Variants in KCNAB1 observed in about 807,000 individuals in gnomAD.
KCNAB1 encodes the protein voltage-gated potassium channel subunit beta-1.
KCNAB1 carries 35 observed loss-of-function variants against 64.6 expected under a neutral mutation model. That is an observed-to-expected ratio of 0.54 (90% CI 0.41 to 0.72). The LOEUF (loss-of-function observed/expected upper bound fraction) is 0.72. Among genes scored for constraint, KCNAB1 ranks in the 30% least tolerant of loss-of-function variants. The pLI is 0.00. For synonymous variants in KCNAB1, 177 were observed against 183.8 expected, an observed-to-expected ratio of 0.96 and a Z score of 0.30; for missense variants, 401 against 512.9, an observed-to-expected ratio of 0.78 and a Z score of 2.11.
intron 1 of KCNAB1, chr3:156,273,677 G>A (rs2108494975): frequency 2.2e-6 from 1 of 454,836 alleles, no homozygotes; most frequent in East Asian, 7.0e-5. Flanking sequence ...TTAAAACCAG[G>A]TACTGTCATC....
intron 1 of KCNAB1, among the ~76,000 whole-genome samples, chr3:156,388,443 C>T (rs996832470): frequency 1.3e-5 from 2 of 152,146 alleles, no homozygotes; most frequent in African/African-American, 2.4e-5. Flanking sequence ...GTTTCTTCTC[C>T]CAGTCTGGTC....
chr3:156,350,685 C>G (rs1724799858), intron 1 of KCNAB1, among the ~76,000 whole-genome samples: 1 of 152,012 alleles, frequency 6.6e-6, no homozygotes, highest in Non-Finnish European at 1.5e-5. Context: ...TGAAGATGAG[C>G]AAGAAATAAA....
chr3:156,463,633 A>ATAGCACCAGAAAGAATTTGTTATTATAC, intron 5 of KCNAB1, 69 bp from the exon 6 acceptor site: 1 of 1,204,360 alleles, frequency 8.3e-7, no homozygotes, highest in South Asian at 1.4e-5. Flanking sequence ...TGCTATTATA[A>ATAGCACCAGAAAGAATTTGTTATTATAC]TAATATGACT....
At chr3:156,159,551 C>T (rs1463612298) in intron 1 of KCNAB1, among the ~76,000 whole-genome samples, 1 of 152,166 alleles carries the variant, frequency 6.6e-6, no homozygotes, top group Non-Finnish European at 1.5e-5. Flanking sequence ...TCAGTAAGTA[C>T]AATTACACAA....
At chr3:156,232,983 G>A (rs1716622199) in intron 1 of KCNAB1, among the ~76,000 whole-genome samples, 1 of 151,918 alleles carries the variant, frequency 6.6e-6, no homozygotes, top group East Asian at 1.9e-4. Flanking sequence ...TTATACCTGT[G>A]GATTATTATA....
intron 1 of KCNAB1, among the ~76,000 whole-genome samples, chr3:156,190,921 GACCTCAGGTGATCCACCC>G (rs1713525874): frequency 6.6e-6 from 1 of 152,178 alleles, no homozygotes; most frequent in Non-Finnish European, 1.5e-5. Context: ...TCAAACTCCT[GACCTCAGGTGATCCACCC>G]ACCTCAGCCT....
chr3:156,454,177 G>A (rs977333170), intron 3 of KCNAB1, among the ~76,000 whole-genome samples: 1 of 152,188 alleles, frequency 6.6e-6, no homozygotes, highest in Non-Finnish European at 1.5e-5. Flanking sequence ...CAGACTTTAA[G>A]CTAGAGAGTA....
At chr3:156,299,463 T>A (rs1721011600) in intron 1 of KCNAB1, among the ~76,000 whole-genome samples, 1 of 152,222 alleles carries the variant, frequency 6.6e-6, no homozygotes, top group African/African-American at 2.4e-5. Context: ...TCACAGTGTC[T>A]AAAGCACAGG....
intron 7 of KCNAB1, among the ~76,000 whole-genome samples, chr3:156,466,129 C>T (rs1351900944): frequency 1.3e-5 from 2 of 152,028 alleles, no homozygotes; most frequent in African/African-American, 2.4e-5. Context: ...AAGACACTCC[C>T]TATCACCTCC....
intron 1 of KCNAB1, chr3:156,143,475 G>A (rs1714832781): frequency 5.0e-6 from 6 of 1,188,610 alleles, no homozygotes; most frequent in Non-Finnish European, 6.7e-6. Context: ...GTCAAAGGTT[G>A]TTATTAAAGA....
intron 7 of KCNAB1, among the ~76,000 whole-genome samples, chr3:156,471,682 C>G (rs1713909397): frequency 6.6e-6 from 1 of 152,200 alleles, no homozygotes; most frequent in Non-Finnish European, 1.5e-5. Flanking sequence ...TGGCCCTAAG[C>G]CAGCACTCAA....
chr3:156,203,487 C>A (rs185828882), intron 1 of KCNAB1, among the ~76,000 whole-genome samples: 2 of 152,026 alleles, frequency 1.3e-5, no homozygotes, highest in African/African-American at 2.4e-5. Context: ...TCCTATGGAC[C>A]GTTTTCCCCA....
At chr3:156,161,285 C>T (rs6788822) in intron 1 of KCNAB1, among the ~76,000 whole-genome samples, 2,247 of 152,286 alleles carry the variant, frequency 0.015, 68 homozygotes, top group African/African-American at 0.052. Flanking sequence ...AACTGCATCA[C>T]CTCACTGCCT....
chr3:156,144,552 A>G lies in KCNAB1; in HGVS notation c.275+23666A>G, dbSNP rs184930741. On this transcript the variant is annotated intron_variant, in intron 1 of 13. Coordinates refer to ENST00000490337, the MANE Select transcript of KCNAB1 (RefSeq NM_172160.3). Reference sequence around the variant, plus strand: ...CTTTAGAAGGGGAGCTCACCTTTTCATGGTAGCTCATGGAATGAGGAGGGA... The same window carrying G: ...CTTTAGAAGGGGAGCTCACCTTTTCGTGGTAGCTCATGGAATGAGGAGGGA... Among the ~76,000 whole-genome samples the G allele has an allele frequency of 7.2e-4, 110 of 152,304 alleles. 1 individual carries two copies. Among genetic ancestry groups the G allele is most frequent in the South Asian group, 1.9e-3 (9 of 4,820 alleles).
intron 1 of KCNAB1, among the ~76,000 whole-genome samples, chr3:156,290,287 C>T (rs1720328238): frequency 6.6e-6 from 1 of 152,142 alleles, no homozygotes; most frequent in South Asian, 2.1e-4. Context: ...CTTTTTTCTC[C>T]ATATTGATCT....
chr3:156,528,708 G>A (rs1327692164), intron 12 of KCNAB1, among the ~76,000 whole-genome samples: 2 of 152,208 alleles, frequency 1.3e-5, no homozygotes, highest in Non-Finnish European at 2.9e-5. Flanking sequence ...CCAGAATGAA[G>A]GGAGAGGAAG....
chr3:156,159,070 C>T (rs984791432), intron 1 of KCNAB1, among the ~76,000 whole-genome samples: 3 of 151,036 alleles, frequency 2.0e-5, no homozygotes, highest in East Asian at 1.9e-4. Context: ...TACATATGTC[C>T]GCCCCCCCCT....
In KCNAB1 at chr3:156,402,179, A is replaced by C. The variant is rs368234115; in HGVS notation, c.276-19437A>C. 4.6e-5 allele frequency among the ~76,000 whole-genome samples: 7 copies of C among 152,128 alleles called. No individual in the cohort carries two copies. In the East Asian group the frequency reaches 5.8e-4, roughly 13 times the overall value. On this transcript the variant is annotated intron_variant, in intron 1 of 13. Transcript: ENST00000490337. ...AAAAAAAAAGAGAGAAAAGAAAAGAAAAAGTGTTGTGGGTGGGAACATATT... is the reference window on the plus strand; with the variant it reads ...AAAAAAAAAGAGAGAAAAGAAAAGACAAAGTGTTGTGGGTGGGAACATATT...
chr3:156,457,148 T>A (rs1712495579), intron 3 of KCNAB1: 2 of 1,048,494 alleles, frequency 1.9e-6, no homozygotes, highest in Non-Finnish European at 2.4e-6. Context: ...AAGATTAAGA[T>A]GCCATAAAGA....
Sources: gnomAD v4.1 joint callset for allele counts (sites outside exome capture counted in the v4.1 genomes callset) on GRCh38, gnomAD v4.1.1 for gene constraint, MANE v1.5 for transcripts, NCBI Gene and HGNC (gene_info 2026-07-23, HGNC 2026-07-21) for gene names.